Variants in ERICH1 observed in about 807,000 individuals in gnomAD.
The protein encoded by ERICH1 is glutamate rich 1, also known as glutamate-rich protein 1.
A neutral mutation model predicts 39.6 loss-of-function variants in ERICH1; 56 were observed. The ratio of observed to expected loss-of-function variants is 1.41; its 90% CI spans 1.14 to 1.77. ERICH1 has a LOEUF of 1.77. Ranked by LOEUF, ERICH1 falls within the 40% of genes most tolerant of loss-of-function variation. The pLI is 0.00. For missense variants in ERICH1, 826 were observed against 575.4 expected (o/e 1.44, Z -4.45); for synonymous variants, 313 against 223.6 (o/e 1.40, Z -3.57).
chr8:701,758 A>G (rs577049931), intron 2 of ERICH1, among the ~76,000 whole-genome samples: 56 of 152,344 alleles, frequency 3.7e-4, no homozygotes, highest in South Asian at 1.4e-3. Flanking sequence ...ATGTCACATT[A>G]TATCAACTTC....
At chr8:694,189 C>T (rs549658576) in intron 2 of ERICH1, among the ~76,000 whole-genome samples, 1 of 152,174 alleles carries the variant, frequency 6.6e-6, no homozygotes, top group African/African-American at 2.4e-5. Context: ...GTAGTCAACA[C>T]ACTTTGCTCT....
downstream of ERICH1, among the ~76,000 whole-genome samples, chr8:663,075 C>T (rs1563202619): frequency 1.3e-5 from 2 of 152,230 alleles, no homozygotes; most frequent in Non-Finnish European, 2.9e-5. Context: ...CTACAACCTG[C>T]ATCAAGACGG....
downstream of ERICH1, among the ~76,000 whole-genome samples, chr8:660,156 C>T (rs556973642): frequency 1.4e-4 from 21 of 150,256 alleles, no homozygotes; most frequent in Admixed American, 3.9e-4. Flanking sequence ...GCTGAGCTCC[C>T]GAAGGCAGGG....
At position 668,631 on chromosome 8, in the gene ERICH1, C is replaced by G. The variant is rs1326106626; in HGVS notation, c.1225G>C (p.Glu409Gln). The G allele has an allele frequency of 1.9e-6, 3 of 1,614,198 alleles. No individual in the cohort carries two copies. The highest frequency in any genetic ancestry group is 2.5e-6 in the Non-Finnish European group (3 of 1,180,040). The change falls in exon 5 of 6, where the codon GAA becomes CAA. Residue 409 changes from glutamate to glutamine, a missense_variant. Glu to Gln is a conservative substitution (Grantham distance 29, BLOSUM62 2). Transcript: ENST00000262109. ...ATCGTGCAATGTTCTGGGAACATTT[C>G]CAGAGCATGCTTCAATCTCTCAGTA... ...QDTERLKHAL[E>Q]MFPEHCTMPP...
At chr8:634,626 CAGA>C (rs1285668301) in intron 3 of ERICH1, among the ~76,000 whole-genome samples, 16 of 152,108 alleles carry the variant, frequency 1.1e-4, no homozygotes, top group African/African-American at 2.2e-4. Flanking sequence ...ACTGTGTGCG[CAGA>C]AGGACAGCTG....
intron 1 of ERICH1, among the ~76,000 whole-genome samples, chr8:719,430 G>A (rs964465629): frequency 2.6e-5 from 4 of 152,258 alleles, no homozygotes; most frequent in African/African-American, 7.2e-5. Flanking sequence ...CAGAACTGCA[G>A]ATGGGCGCTG....
At chr8:682,912 C>T (rs1361569416) in intron 3 of ERICH1, among the ~76,000 whole-genome samples, 1 of 152,228 alleles carries the variant, frequency 6.6e-6, no homozygotes, top group African/African-American at 2.4e-5. Context: ...TACCAATGTC[C>T]TCTAGGTGCT....
At chr8:668,474 A>T in intron 5 of ERICH1, 124 bp downstream of exon 5, 1 of 902,790 alleles carries the variant, frequency 1.1e-6, no homozygotes. Context: ...CTATTCTCCC[A>T]TGCCATATGT....
chr8:635,924 G>T (rs995863519), intron 3 of ERICH1, among the ~76,000 whole-genome samples: 7 of 152,188 alleles, frequency 4.6e-5, no homozygotes, highest in Admixed American at 1.3e-4. Flanking sequence ...GCTCTTACGC[G>T]GCAGGTGCGG....
intron 3 of ERICH1, among the ~76,000 whole-genome samples, chr8:642,501 C>T (rs930749346): frequency 3.3e-5 from 5 of 151,902 alleles, no homozygotes; most frequent in South Asian, 4.1e-4. Context: ...CCAGCCACCA[C>T]GCCCGGCTAA....
At chr8:618,992 T>A (rs1055821936) in intron 3 of ERICH1, among the ~76,000 whole-genome samples, 1 of 152,130 alleles carries the variant, frequency 6.6e-6, no homozygotes, top group Non-Finnish European at 1.5e-5. Context: ...ATACGCAGAA[T>A]GAAAAACTAT....
intron 3 of ERICH1, among the ~76,000 whole-genome samples, chr8:683,551 A>G (rs756538690): frequency 1.3e-5 from 2 of 152,202 alleles, no homozygotes; most frequent in East Asian, 1.9e-4. Context: ...AGTAATTTCC[A>G]AAGACAACAA....
chr8:669,948 C>T (rs1254333290), intron 4 of ERICH1, among the ~76,000 whole-genome samples: 3 of 152,146 alleles, frequency 2.0e-5, no homozygotes, highest in Non-Finnish European at 4.4e-5. Context: ...GTGTAAAACT[C>T]CCAAATGTCA....
downstream of ERICH1, among the ~76,000 whole-genome samples, chr8:663,089 C>T (rs1424977116): frequency 1.3e-5 from 2 of 152,248 alleles, no homozygotes; most frequent in South Asian, 4.1e-4. Context: ...AAGACGGGGA[C>T]ACTGCAAGGC....
chr8:679,504 CCT>C (rs940414737), intron 3 of ERICH1, among the ~76,000 whole-genome samples: 11 of 152,100 alleles, frequency 7.2e-5, no homozygotes, highest in Admixed American at 2.6e-4. Context: ...TCTCCACTCC[CCT>C]GACAAGGGCA....
intron 3 of ERICH1, chr8:640,750 G>C (rs555619701): frequency 6.6e-6 from 1 of 152,328 alleles, no homozygotes; most frequent in East Asian, 1.9e-4. Context: ...TGGTTCCTTG[G>C]GGATGGACCT....
intron 2 of ERICH1, among the ~76,000 whole-genome samples, chr8:697,048 A>T (rs1486792200): frequency 6.6e-6 from 1 of 152,092 alleles, no homozygotes; most frequent in Admixed American, 6.5e-5. Flanking sequence ...CCTCAGGGTG[A>T]CTTCCCTCCC....
At chr8:728,145 A>C (rs925937910) in intron 1 of ERICH1, among the ~76,000 whole-genome samples, 1 of 152,188 alleles carries the variant, frequency 6.6e-6, no homozygotes, top group African/African-American at 2.4e-5. Context: ...TCCCTGAAGC[A>C]CACATGGAGT....
intron 2 of ERICH1, among the ~76,000 whole-genome samples, chr8:713,191 C>A (rs1022232381): frequency 6.6e-6 from 1 of 152,236 alleles, no homozygotes; most frequent in Non-Finnish European, 1.5e-5. Flanking sequence ...ACTTCATTGA[C>A]CCTTAATCAA....
Sources: gnomAD v4.1 joint callset for allele counts (sites outside exome capture counted in the v4.1 genomes callset) on GRCh38, gnomAD v4.1.1 for gene constraint, MANE v1.5 for transcripts, NCBI Gene and HGNC (gene_info 2026-07-23, HGNC 2026-07-21) for gene names.